Variants in RPS6KC1 observed in about 807,000 individuals in gnomAD.
The protein encoded by RPS6KC1 is inactive ribosomal protein S6 kinase delta-1.
Under a neutral mutation model 103.8 loss-of-function variants are expected in RPS6KC1, and 54 were observed. The observed-to-expected ratio is 0.52, with a 90% CI of 0.42 to 0.65. The LOEUF (loss-of-function observed/expected upper bound fraction) is 0.65. Among genes scored for constraint, RPS6KC1 ranks in the 30% least tolerant of loss-of-function variants. RPS6KC1 has a pLI of 0.00. For synonymous variants in RPS6KC1, 439 were observed against 438.7 expected (o/e 1.00, Z -0.01); for missense variants, 1,151 against 1,253.8 (o/e 0.92, Z 1.24).
At chr1:213,196,916 A>C (rs1200738349) in intron 8 of RPS6KC1, among the ~76,000 whole-genome samples, 1 of 152,062 alleles carries the variant, frequency 6.6e-6, no homozygotes, top group African/African-American at 2.4e-5. Flanking sequence ...GGCTCACTGC[A>C]ACCTCCGCCT....
chr1:213,422,711 C>T, the RPS6KC1 span, among the ~76,000 whole-genome samples: 1 of 152,178 alleles, frequency 6.6e-6, no homozygotes. Flanking sequence ...CAGTGGGCAT[C>T]ATGCAGTCCA....
chr1:213,342,621 A>G, the RPS6KC1 span, among the ~76,000 whole-genome samples: 12 of 152,072 alleles, frequency 7.9e-5, no homozygotes, highest in Non-Finnish European at 1.5e-4. Context: ...CTTTCCATAC[A>G]GTTACTGTTT....
chr1:213,203,485 CTG>C (rs2093237806), intron 8 of RPS6KC1, among the ~76,000 whole-genome samples: 1 of 152,066 alleles, frequency 6.6e-6, no homozygotes, highest in African/African-American at 2.4e-5. Context: ...TTTTTATTGA[CTG>C]TGTTTCTTCT....
intron 1 of RPS6KC1, among the ~76,000 whole-genome samples, chr1:213,063,547 C>A (rs2078030523): frequency 6.6e-6 from 1 of 152,158 alleles, no homozygotes; most frequent in Non-Finnish European, 1.5e-5. Context: ...ATTTGCTGTT[C>A]ATGAACAGAG....
chr1:213,250,112 T>C (rs1003260924), intron 12 of RPS6KC1, among the ~76,000 whole-genome samples: 1 of 152,142 alleles, frequency 6.6e-6, no homozygotes. Context: ...TTGAATTACC[T>C]AAAAACCAAC....
chr1:213,602,078 C>T, the RPS6KC1 span, among the ~76,000 whole-genome samples: 256 of 38,526 alleles, frequency 6.6e-3, 38 homozygotes, highest in African/African-American at 0.032. Context: ...TTCTTTCTTT[C>T]TCTTTCTTTC....
the RPS6KC1 span, among the ~76,000 whole-genome samples, chr1:213,599,433 G>GAAA: frequency 3.6e-5 from 5 of 138,110 alleles, no homozygotes; most frequent in Non-Finnish European, 4.6e-5. Flanking sequence ...TAACACTGGA[G>GAAA]AAAAAAAAAA....
At chr1:213,495,716 G>A in the RPS6KC1 span, among the ~76,000 whole-genome samples, 3 of 152,106 alleles carry the variant, frequency 2.0e-5, no homozygotes, top group Non-Finnish European at 4.4e-5. Flanking sequence ...CAAGGAGTAT[G>A]GCATTAGAGT....
At chr1:213,778,398 T>C in the RPS6KC1 span, among the ~76,000 whole-genome samples, 1 of 152,276 alleles carries the variant, frequency 6.6e-6, no homozygotes, top group East Asian at 1.9e-4. Context: ...CAAATGCACT[T>C]GTACTAAAAT....
chr1:213,214,021 C>G (rs1240050520), intron 8 of RPS6KC1, among the ~76,000 whole-genome samples: 2 of 152,064 alleles, frequency 1.3e-5, no homozygotes, highest in South Asian at 2.1e-4. Context: ...GATTGTCGGA[C>G]AGTGGGTGCA....
At chr1:213,834,023 G>A in the RPS6KC1 span, among the ~76,000 whole-genome samples, 10 of 152,238 alleles carry the variant, frequency 6.6e-5, no homozygotes, top group Non-Finnish European at 1.0e-4. Flanking sequence ...TGATAGGCTC[G>A]TAATGGTCTA....
chr1:213,212,754 C>T (rs2093548298), intron 8 of RPS6KC1, among the ~76,000 whole-genome samples: 1 of 152,140 alleles, frequency 6.6e-6, no homozygotes. Context: ...TTGGAGGTGT[C>T]AGTGTTCGGG....
chr1:213,124,682 T>C (rs1048076616), intron 5 of RPS6KC1, among the ~76,000 whole-genome samples: 2 of 152,146 alleles, frequency 1.3e-5, no homozygotes, highest in Non-Finnish European at 2.9e-5. Context: ...GAAAGGAGTT[T>C]TTAAATGTTA....
At chr1:213,197,523 AGTATGTATGTATGTAT>A (rs3056229) in intron 8 of RPS6KC1, among the ~76,000 whole-genome samples, 3 of 150,530 alleles carry the variant, frequency 2.0e-5, no homozygotes, top group Admixed American at 6.6e-5. Context: ...TGTATTCCTA[AGTATGTATGTATGTAT>A]GTATGTATGT....
chr1:213,835,013 T>C, the RPS6KC1 span, among the ~76,000 whole-genome samples: 1 of 152,150 alleles, frequency 6.6e-6, no homozygotes, highest in Non-Finnish European at 1.5e-5. Context: ...CTATAAAGCC[T>C]ATTAAAAAGT....
At chr1:213,060,166 T>G (rs142287544) in intron 1 of RPS6KC1, among the ~76,000 whole-genome samples, 1 of 152,336 alleles carries the variant, frequency 6.6e-6, no homozygotes, top group Non-Finnish European at 1.5e-5. Flanking sequence ...TGAAGTAATA[T>G]GTAGTCATAC....
At chr1:213,851,603 T>C in the RPS6KC1 span, among the ~76,000 whole-genome samples, 1 of 152,338 alleles carries the variant, frequency 6.6e-6, no homozygotes, top group Non-Finnish European at 1.5e-5. Flanking sequence ...TATGTGCTGC[T>C]GACTCCAGTG....
At chr1:213,109,089 A>G (rs1022126195) in intron 4 of RPS6KC1, among the ~76,000 whole-genome samples, 3 of 152,094 alleles carry the variant, frequency 2.0e-5, no homozygotes, top group Non-Finnish European at 2.9e-5. Context: ...TTTTAACAAT[A>G]TTATCTTGCA....
chr1:213,233,135 C>T (rs188638760), intron 10 of RPS6KC1, among the ~76,000 whole-genome samples: 31 of 151,950 alleles, frequency 2.0e-4, no homozygotes, highest in Admixed American at 3.3e-4. Context: ...ATAATGAATG[C>T]AAGATTTTTG....
Sources: gnomAD v4.1 joint callset for allele counts (sites outside exome capture counted in the v4.1 genomes callset) on GRCh38, gnomAD v4.1.1 for gene constraint, MANE v1.5 for transcripts, NCBI Gene and HGNC (gene_info 2026-07-23, HGNC 2026-07-21) for gene names.